ZNF778: variants seen among roughly 807,000 people sequenced by gnomAD.
The protein encoded by ZNF778 is zinc finger protein 778.
A neutral mutation model predicts 23.9 loss-of-function variants in ZNF778; 37 were observed. That is an observed-to-expected ratio of 1.54 (90% CI 1.19 to 2.03). ZNF778 has a LOEUF of 2.03. ZNF778 is among the 30% of genes most tolerant of loss of function. The pLI is 0.00. For synonymous variants in ZNF778, 483 were observed against 343.9 expected (o/e 1.40, Z -4.48); for missense variants, 1,297 against 934.4 (o/e 1.39, Z -5.06).
Position 89,228,271 on chromosome 16 carries a change from C to G in ZNF778, c.1983C>G (p.Ile661Met), listed in dbSNP as rs367933230. The G allele has an allele frequency of 1.9e-6, 3 of 1,605,336 alleles. No individual in the cohort carries two copies. The highest frequency in any genetic ancestry group is 1.3e-5 in the African/African-American group (1 of 74,662). ...CCTTTGCTTCCTCCTCACACCTTAT[C>G]GAACACAGAAGGACTCACACAGGAG... The part of the protein sequence containing the change: ...GKAFASSSHL[I>M]EHRRTHTGEK... The change falls in exon 7 of 7, where the codon ATC (isoleucine) becomes ATG (methionine). Residue 661 changes from isoleucine (I) to methionine (M), a missense_variant. Physicochemically the swap from Ile to Met is conservative, Grantham distance 10. Coordinates refer to ENST00000433976, the MANE Select transcript of ZNF778 (RefSeq NM_001201407.2).
chr16:89,234,528 A>G lies in ZNF778; in HGVS notation c.*5966A>G, dbSNP rs1289653542. 1.7e-5 allele frequency: 3 copies of G among 176,974 alleles called. No homozygotes were observed. The highest frequency in any genetic ancestry group is 7.2e-5 in the African/African-American group (3 of 41,820). 11.0% of individuals were successfully genotyped at this position (176,974 alleles called of 1,614,324 possible). ...GTTTGATCTTTGTTCTTTTTTAGAA[A>G]TAGTGAGGCTGTTGTGAGGTGAGTC... On this transcript the variant is annotated 3_prime_UTR_variant, in exon 7 of 7. Coordinates refer to ENST00000433976, the MANE Select transcript of ZNF778 (RefSeq NM_001201407.2).
chr16:89,233,713 T>A lies in ZNF778; in HGVS notation c.*5151T>A. 4.3e-6 allele frequency: 5 copies of A among 1,170,522 alleles called. No individual in the cohort carries two copies. Among genetic ancestry groups the A allele is most frequent in the South Asian group, 1.5e-5 (1 of 67,452 alleles). 72.5% of individuals were successfully genotyped at this position (1,170,522 alleles called of 1,614,324 possible). On this transcript the variant is annotated 3_prime_UTR_variant, in exon 7 of 7. Transcript: ENST00000433976. ...TTACTGCATATGCAACTCAACTCAC[T>A]GCGTATGCAACTCAACTCGCACTGC...
In ZNF778 at chr16:89,236,291, C is replaced by G. The variant is rs1567518428; in HGVS notation, c.*7729C>G. ...AGTGGACACAGTGCTTCCAGAAGAA[C>G]AATTCAATTGACCGGGTTTCTCGTC... On this transcript the variant is annotated 3_prime_UTR_variant, in exon 7 of 7. Coordinates refer to ENST00000433976, the MANE Select transcript of ZNF778 (RefSeq NM_001201407.2). 1 of 152,172 alleles carries G rather than the reference C, an allele frequency of 6.6e-6. No individual in the cohort carries two copies. The highest frequency in any genetic ancestry group is 1.5e-5 in the Non-Finnish European group (1 of 68,032). The allele number at this position is 152,172 out of a possible 1,614,324, so 9.4% of individuals were successfully genotyped here.
At chr16:89,221,731 GTC>G (rs902594498) in intron 2 of ZNF778, among the ~76,000 whole-genome samples, 3 of 151,320 alleles carry the variant, frequency 2.0e-5, no homozygotes, top group Admixed American at 6.6e-5. Flanking sequence ...GGCTGTGTGT[GTC>G]TTTTCCTGAG....
intron 2 of ZNF778, 41 bp from the exon 3 acceptor site, chr16:89,222,051 G>C: frequency 2.7e-6 from 4 of 1,473,898 alleles, no homozygotes; most frequent in Non-Finnish European, 3.7e-6. Context: ...ATTAGGGTCA[G>C]CTCTGGGTTC....
chr16:89,222,165 G>C lies in ZNF778; in HGVS notation c.99G>C (p.Trp33Cys). 1.9e-6 allele frequency: 3 copies of C among 1,605,378 alleles called. No homozygotes were observed. Among genetic ancestry groups the C allele is most frequent in the Non-Finnish European group, 2.6e-6 (3 of 1,174,284 alleles). Residue 33 changes from tryptophan to cysteine, a missense_variant, in exon 3 of 7, where the codon TGG becomes TGC. By Grantham distance (215) the Trp-to-Cys change is radical (BLOSUM62 -2). Transcript: ENST00000433976. ...QTQAAGMVAG[W>C]LINCYQDAVT... is the part of the protein sequence containing the mutation. ...AGGCAGCAGGGATGGTGGCTGGCTG[G>C]CTGATAAATTGTTACCAGGTATGCC...
chr16:89,220,547 A>C (rs564311654), intron 1 of ZNF778, among the ~76,000 whole-genome samples: 1 of 152,208 alleles, frequency 6.6e-6, no homozygotes, highest in African/African-American at 2.4e-5. Context: ...AGTCTCAGCT[A>C]CTTGGTAGGC....
rs1002527761 is a variant in ZNF778 at position 89,236,419 on chromosome 16, G to A, written c.*7857G>A. On this transcript the variant is annotated 3_prime_UTR_variant, in exon 7 of 7. Coordinates refer to ENST00000433976, the MANE Select transcript of ZNF778 (RefSeq NM_001201407.2). ...CTATATCCAACAAAATATCCTTTAG[G>A]AATGAAACAGAAGTAACGATGAGGC... 1.3e-5 allele frequency: 2 copies of A among 152,124 alleles called. No individual in the cohort carries two copies. Among genetic ancestry groups the A allele is most frequent in the Non-Finnish European group, 2.9e-5 (2 of 68,032 alleles). The allele number at this position is 152,124 out of a possible 1,614,324, so 9.4% of individuals were successfully genotyped here. A position where few individuals can be genotyped will look rare whatever the true frequency, so the allele number is the denominator to read the frequency against.
In ZNF778 at chr16:89,228,542, A is replaced by C. The variant is rs375845824; in HGVS notation, c.2254A>C (p.Thr752Pro). ...SCLNHHTQIH[T>P]DEKPF ...CCTTAACCATCACACTCAAATTCAC[A>C]CTGATGAGAAACCTTTCTAATGTAA... The change falls in exon 7 of 7, where the codon ACT becomes CCT. Residue 752 changes from threonine (T) to proline (P), a missense_variant. Coordinates refer to ENST00000433976, the MANE Select transcript of ZNF778 (RefSeq NM_001201407.2). 6.3e-7 allele frequency: 1 copy of C among 1,588,818 alleles called. No homozygotes were observed. Among genetic ancestry groups the C allele is most frequent in the Non-Finnish European group, 8.5e-7 (1 of 1,170,296 alleles).
At chr16:89,222,906 C>G (rs569859411) in intron 3 of ZNF778, among the ~76,000 whole-genome samples, 3 of 48,644 alleles carry the variant, frequency 6.2e-5, no homozygotes, top group African/African-American at 1.0e-4. Context: ...TGGAGGAGAG[C>G]GACAGGGTGC....
At chr16:89,222,254 G>A in intron 3 of ZNF778, 71 bp downstream of exon 3, 1 of 1,268,206 alleles carries the variant, frequency 7.9e-7, no homozygotes, top group Admixed American at 2.1e-5. Flanking sequence ...TTCTGTCTGA[G>A]CAGACTTGTC....
Position 89,225,593 on chromosome 16 carries a change from G to C in ZNF778, c.367G>C (p.Asp123His), listed in dbSNP as rs778965056. 1.2e-6 allele frequency: 2 copies of C among 1,613,084 alleles called. No individual in the cohort carries two copies. The highest frequency in any genetic ancestry group is 2.2e-5 in the South Asian group (2 of 91,040). Residue 123 changes from aspartate to histidine, a missense_variant, in exon 6 of 7, where the codon GAT becomes CAT. Physicochemically the swap from Asp to His is moderately conservative, Grantham distance 81. Transcript: ENST00000433976. Reference protein sequence around the residue: ...LKTKGPALRQDRSWFRASNET... With the variant: ...LKTKGPALRQHRSWFRASNET... ...AACCAAAGGGCCAGCACTTCGGCAG[G>C]ATAGATCTTGGTTCAGAGCATCAAA...
chr16:89,236,026 A>G lies in ZNF778; in HGVS notation c.*7464A>G, dbSNP rs1434408345. The G allele has an allele frequency of 6.6e-6, 1 of 150,576 alleles. No homozygotes were observed. Among genetic ancestry groups the G allele is most frequent in the East Asian group, 1.9e-4 (1 of 5,158 alleles). The allele number at this position is 150,576 out of a possible 1,614,324, so 9.3% of individuals were successfully genotyped here. On this transcript the variant is annotated 3_prime_UTR_variant, in exon 7 of 7. Transcript: ENST00000433976. ...AAAAAAAAAAAAGAAAAATACAAAA[A>G]TTTAGTTGGGCGTGGTGGCGGGCGA...
chr16:89,226,690 A>T lies in ZNF778; in HGVS notation c.406-4A>T. On this transcript the variant is annotated splice_region_variant and splice_polypyrimidine_tract_variant and intron_variant, in intron 6 of 6. Coordinates refer to ENST00000433976, the MANE Select transcript of ZNF778 (RefSeq NM_001201407.2). ...CCTGACCACCACTCATTCTTCACCA[A>T]CAGGCAAGAAGCCACAATGGAGGGC... 1 of 1,604,076 alleles carries T rather than the reference A, an allele frequency of 6.2e-7. No individual in the cohort carries two copies. The highest frequency in any genetic ancestry group is 8.5e-7 in the Non-Finnish European group (1 of 1,173,666).
Position 89,226,885 on chromosome 16 carries a change from G to C in ZNF778, c.597G>C (p.Val199=), listed in dbSNP as rs761860829. 5.0e-6 allele frequency: 8 copies of C among 1,613,898 alleles called. No individual in the cohort carries two copies. Among genetic ancestry groups the C allele is most frequent in the Non-Finnish European group, 6.8e-6 (8 of 1,179,912 alleles). ...TCAAAATTGGAGAGCAGTTTTCCGT[G>C]TTGGGTCAGTGTGGAAAAGCCTTCA... ...TLFKIGEQFS[V]LGQCGKAFSS... The change falls in exon 7 of 7, where the codon GTG becomes GTC. Residue 199 remains valine (V), a synonymous_variant. Coordinates refer to ENST00000433976, the MANE Select transcript of ZNF778 (RefSeq NM_001201407.2).
chr16:89,223,168 C>G lies in ZNF778; in HGVS notation c.129C>G (p.Thr43=). The G allele has an allele frequency of 6.2e-7, 1 of 1,613,560 alleles. No homozygotes were observed. Among genetic ancestry groups the G allele is most frequent in the Non-Finnish European group, 8.5e-7 (1 of 1,179,862 alleles). The change falls in exon 4 of 7, where the codon ACC becomes ACG. Residue 43 remains threonine (T), a synonymous_variant. Coordinates refer to ENST00000433976, the MANE Select transcript of ZNF778 (RefSeq NM_001201407.2). ...GTGTGATGATTTAGGACGCGGTGACCTTTGACGACGTGGCTGTGGACTTCA... is the reference window on the plus strand; with the variant it reads ...GTGTGATGATTTAGGACGCGGTGACGTTTGACGACGTGGCTGTGGACTTCA... ...WLINCYQDAV[T]FDDVAVDFTQ...
At chr16:89,224,588 C>T in intron 4 of ZNF778, 131 bp from the exon 5 acceptor site, 2 of 643,138 alleles carry the variant, frequency 3.1e-6, no homozygotes, top group Non-Finnish European at 2.7e-6. Flanking sequence ...CACTGCACTC[C>T]AGCCTGGGCA....
intron 1 of ZNF778, among the ~76,000 whole-genome samples, chr16:89,219,106 CAAAAAAAT>C (rs370898831): frequency 0.011 from 1,726 of 151,972 alleles, 13 homozygotes; most frequent in Middle Eastern, 0.02. Flanking sequence ...GACTCCGTCT[CAAAAAAAT>C]AAAAAAATAA....
rs2031731447 is a variant in ZNF778, at chr16:89,228,744, G to A, written c.*182G>A. The A allele has an allele frequency of 7.1e-7, 1 of 1,404,386 alleles. No homozygotes were observed. Among genetic ancestry groups the A allele is most frequent in the Admixed American group, 3.2e-5 (1 of 30,932 alleles). The allele number at this position is 1,404,386 out of a possible 1,614,324, so 87.0% of individuals were successfully genotyped here. The stretch of plus-strand genomic sequence containing the variant: ...AGCAGACACAGAGAAAGCCCTCAGT[G>A]TTCTCTAAGGTCTTGCTGAATATGG... On this transcript the variant is annotated 3_prime_UTR_variant, in exon 7 of 7. Coordinates refer to ENST00000433976, the MANE Select transcript of ZNF778 (RefSeq NM_001201407.2).
Sources: allele counts gnomAD v4.1 joint callset (sites outside exome capture counted in the v4.1 genomes callset), GRCh38; gene constraint gnomAD v4.1.1; transcripts MANE v1.5; gene names NCBI Gene and HGNC (gene_info 2026-07-23, HGNC 2026-07-21).